DDX1: variants seen among roughly 807,000 people sequenced by gnomAD.
DDX1 encodes the protein ATP-dependent RNA helicase DDX1.
DDX1 carries 28 observed loss-of-function variants against 108.7 expected under a neutral mutation model. That is an observed-to-expected ratio of 0.26 (90% CI 0.19 to 0.35). The LOEUF (loss-of-function observed/expected upper bound fraction) is 0.35. Ranked by LOEUF, DDX1 falls within the 10% of genes least tolerant of loss-of-function variation. The pLI is 1.00. For synonymous variants in DDX1, 295 were observed against 288.9 expected (o/e 1.02, Z -0.21); for missense variants, 710 against 884.5 (o/e 0.80, Z 2.50).
rs1183953885 is a variant in DDX1, at chr2:15,606,133, G to A, written c.703-17G>A. On this transcript the variant is annotated splice_polypyrimidine_tract_variant and intron_variant, in intron 11 of 25. Transcript: ENST00000233084. ...ATTAGGGTAGGAATTTTAATTTTCTGTTTTATTCAATGCTAGAATGCTGAA... is the reference window on the plus strand; with the variant it reads ...ATTAGGGTAGGAATTTTAATTTTCTATTTTATTCAATGCTAGAATGCTGAA... The A allele has an allele frequency of 4.4e-6, 7 of 1,602,722 alleles. No homozygotes were observed. Among genetic ancestry groups the A allele is most frequent in the African/African-American group, 1.3e-5 (1 of 74,616 alleles).
At chr2:15,609,897 G>GT (rs1665725438) in intron 13 of DDX1, among the ~76,000 whole-genome samples, 1 of 152,062 alleles carries the variant, frequency 6.6e-6, no homozygotes, top group Non-Finnish European at 1.5e-5. Context: ...TTATTTGTTT[G>GT]TTTTTTAAGA....
chr2:15,608,749 A>C (rs61446904), intron 13 of DDX1, among the ~76,000 whole-genome samples: 35,512 of 145,500 alleles, frequency 0.24, 5,219 homozygotes, highest in African/African-American at 0.43. Flanking sequence ...GTCTTCCTAC[A>C]CTGTAGCCTT....
At chr2:15,605,474 T>C (rs994922921) in intron 10 of DDX1, among the ~76,000 whole-genome samples, 12 of 152,102 alleles carry the variant, frequency 7.9e-5, no homozygotes, top group African/African-American at 2.7e-4. Flanking sequence ...AACTGCTGCA[T>C]TTGACAAGTG....
At chr2:15,613,176 G>A in intron 13 of DDX1, 48 bp from the exon 14 acceptor site, 2 of 1,245,976 alleles carry the variant, frequency 1.6e-6, no homozygotes, top group South Asian at 2.8e-5. Context: ...ATGTAAAGCA[G>A]ACTTTAATTT....
chr2:15,608,170 T>C (rs532774675), intron 13 of DDX1, among the ~76,000 whole-genome samples: 40 of 152,206 alleles, frequency 2.6e-4, no homozygotes, highest in Non-Finnish European at 4.7e-4. Flanking sequence ...TGATTTTTGT[T>C]AATTTTGTCT....
intron 13 of DDX1, among the ~76,000 whole-genome samples, chr2:15,609,879 A>G (rs911121376): frequency 1.3e-5 from 2 of 152,166 alleles, no homozygotes; most frequent in African/African-American, 4.8e-5. Context: ...AGGAATTAGA[A>G]TCTTTTTTTA....
rs1558450579 is a variant in DDX1 at position 15,597,464 on chromosome 2, T to A, written c.252T>A (p.Gly84=). Residue 84 remains glycine, a synonymous_variant, in exon 5 of 26, where the codon GGT becomes GGA. Coordinates refer to ENST00000233084, the MANE Select transcript of DDX1 (RefSeq NM_004939.3). The stretch of plus-strand genomic sequence containing the variant: ...AAGGAAAAACAACAATTAAAACTGG[T>A]GCTTCAGGTAATTTTTGTAAATTGA... The part of the protein sequence containing the change: ...GKKGKTTIKT[G]ASVLNKWQMN... 3.1e-6 allele frequency: 5 copies of A among 1,597,302 alleles called. No homozygotes were observed. In the African/African-American group the frequency reaches 4.1e-5, roughly 13 times the overall value.
chr2:15,617,350 GA>G lies in DDX1; in HGVS notation c.1116+11del. 2 of 1,516,232 alleles carry G rather than the reference GA, an allele frequency of 1.3e-6. No individual in the cohort carries two copies. Among genetic ancestry groups the G allele is most frequent in the Non-Finnish European group, 1.8e-6 (2 of 1,110,850 alleles). The allele number at this position is 1,516,232 out of a possible 1,614,324, so 93.9% of individuals were successfully genotyped here. On this transcript the variant is annotated intron_variant, in intron 15 of 25. Coordinates refer to ENST00000233084, the MANE Select transcript of DDX1 (RefSeq NM_004939.3). Reference sequence around the variant, plus strand: ...CTGGTCCTGGATGAAGCTGTATGTTGAAATATAATCATACTTTTTAAAAAGT... The same window carrying G: ...CTGGTCCTGGATGAAGCTGTATGTTGAATATAATCATACTTTTTAAAAAGT...
intron 11 of DDX1, 36 bp from the exon 12 acceptor site, chr2:15,606,109 TTAGGG>T: frequency 5.1e-6 from 8 of 1,582,024 alleles, no homozygotes; most frequent in Non-Finnish European, 6.9e-6. Flanking sequence ...TGGTTTTCAA[TTAGGG>T]TAGGAATTTT....
chr2:15,623,155 A>T (rs1055026240), intron 18 of DDX1, among the ~76,000 whole-genome samples: 1 of 152,110 alleles, frequency 6.6e-6, no homozygotes, highest in African/African-American at 2.4e-5. Context: ...GTACGTGTGT[A>T]TGTGTGTGTT....
intron 18 of DDX1, among the ~76,000 whole-genome samples, chr2:15,622,570 A>G (rs1262461589): frequency 6.6e-6 from 1 of 152,184 alleles, no homozygotes; most frequent in African/African-American, 2.4e-5. Context: ...TTGAATTTCA[A>G]CTATATCAAA....
chr2:15,613,723 T>C (rs1665842268), intron 14 of DDX1, among the ~76,000 whole-genome samples: 1 of 152,066 alleles, frequency 6.6e-6, no homozygotes, highest in African/African-American at 2.4e-5. Context: ...AGGAGAGACA[T>C]GAGTTCAATT....
intron 13 of DDX1, 46 bp from the exon 14 acceptor site, chr2:15,613,178 C>T (rs1390575815): frequency 4.0e-6 from 5 of 1,248,278 alleles, no homozygotes; most frequent in Non-Finnish European, 5.6e-6. Context: ...GTAAAGCAGA[C>T]TTTAATTTTT....
chr2:15,629,699 TA>T lies in DDX1; in HGVS notation c.1971+4del. ...ACCATATGGTACAACGAGATGCAGGTAAGACTTCGAGTTAGGCTCACAAATA... is the reference window on the plus strand; with the variant it reads ...ACCATATGGTACAACGAGATGCAGGTAGACTTCGAGTTAGGCTCACAAATA... On this transcript the variant is annotated splice_donor_region_variant and intron_variant, in intron 24 of 25. Transcript: ENST00000233084. The T allele has an allele frequency of 6.4e-7, 1 of 1,555,408 alleles. No individual in the cohort carries two copies. The highest frequency in any genetic ancestry group is 1.3e-5 in the South Asian group (1 of 79,410).
chr2:15,618,670 A>G (rs1225839201), intron 16 of DDX1, among the ~76,000 whole-genome samples: 3 of 152,216 alleles, frequency 2.0e-5, no homozygotes, highest in African/African-American at 4.8e-5. Flanking sequence ...ACCGGGGACT[A>G]GCCCCCTTCC....
rs1167920388 is a variant in DDX1, at chr2:15,607,192, C to A, written c.835C>A (p.Gln279Lys). The change falls in exon 13 of 26, where the codon CAA becomes AAA. Residue 279 changes from glutamine to lysine, a missense_variant. Gln to Lys is a moderately conservative substitution (Grantham distance 53). Around this residue, in one of 3 missense-constraint regions of DDX1, gnomAD observed 661 missense variants for 810.2 expected, o/e 0.82. Transcript: ENST00000233084. ...TCCCTAAGGTAATGCACAGGTGACA[C>A]AAACAAAGTTTCTCCCCAATGCTCC... ...SQHSGNAQVT[Q>K]TKFLPNAPKA... 1.2e-6 allele frequency: 2 copies of A among 1,614,050 alleles called. No individual in the cohort carries two copies. Among genetic ancestry groups the A allele is most frequent in the Non-Finnish European group, 1.7e-6 (2 of 1,179,956 alleles).
intron 16 of DDX1, among the ~76,000 whole-genome samples, 182 bp from the exon 17 acceptor site, chr2:15,620,026 A>G (rs1410857096): frequency 6.6e-6 from 1 of 152,188 alleles, no homozygotes; most frequent in African/African-American, 2.4e-5. Flanking sequence ...CAGTGAGGGA[A>G]CTGAACCTCA....
At chr2:15,630,235 C>A in intron 25 of DDX1, 125 bp downstream of exon 25, 1 of 926,136 alleles carries the variant, frequency 1.1e-6, no homozygotes, top group South Asian at 1.5e-5. Context: ...TTAATCATTC[C>A]CTCCTTATTA....
rs752137541 is a variant in DDX1, at chr2:15,595,514, A to G, written c.93A>G (p.Glu31=). The G allele has an allele frequency of 1.2e-6, 2 of 1,611,460 alleles. No homozygotes were observed. Among genetic ancestry groups the G allele is most frequent in the African/African-American group, 2.7e-5 (2 of 74,866 alleles). Residue 31 remains glutamate (E), a synonymous_variant, in exon 3 of 26, where the codon GAA becomes GAG. Transcript: ENST00000233084. Reference sequence around the variant, plus strand: ...GCCTCCCAACTGATATCCAGGCTGAATCTATCCCATTGATCTTAGGAGGAG... The same window carrying G: ...GCCTCCCAACTGATATCCAGGCTGAGTCTATCCCATTGATCTTAGGAGGAG... ...DWLLPTDIQA[E]SIPLILGGGD... is the part of the protein sequence containing the mutation.
Sources: allele counts gnomAD v4.1 joint callset (sites outside exome capture counted in the v4.1 genomes callset), GRCh38; gene constraint gnomAD v4.1.1; regional missense constraint gnomAD v4.1.1; transcripts MANE v1.5; gene names NCBI Gene and HGNC (gene_info 2026-07-23, HGNC 2026-07-21).